IRF8: variants seen among roughly 807,000 people sequenced by gnomAD.
The protein encoded by IRF8 is interferon consensus sequence binding protein 1.
In IRF8, 14 loss-of-function variants were observed where a neutral mutation model predicts 48.7. The ratio of observed to expected loss-of-function variants is 0.29; its 90% confidence interval spans 0.19 to 0.45. IRF8 has a LOEUF of 0.45. Ranked by LOEUF, IRF8 falls within the 20% of genes least tolerant of loss-of-function variation. The pLI, the probability that IRF8 is intolerant of heterozygous loss-of-function variation, is 1.00. For synonymous variants in IRF8, 278 were observed against 227.3 expected (o/e 1.22, Z -2.01); for missense variants, 493 against 580.7 (o/e 0.85, Z 1.55).
In IRF8 at chr16:85,914,530, G is replaced by A. The variant is rs373055633; in HGVS notation, c.601+10G>A. ...GACGCGCACCATTCAGGTACGGGGT[G>A]GTCCGGGCTGAGAGGGGCGTGGGCA... On this transcript the variant is annotated intron_variant, in intron 6 of 8. Transcript: ENST00000268638. 6 of 1,613,918 alleles carry A rather than the reference G, an allele frequency of 3.7e-6. No homozygotes were observed. Among genetic ancestry groups the A allele is most frequent in the East Asian group, 2.2e-5 (1 of 44,886 alleles).
intron 1 of IRF8, 31 bp from the exon 2 acceptor site, chr16:85,902,984 A>T: frequency 3.7e-6 from 6 of 1,612,890 alleles, no homozygotes; most frequent in Non-Finnish European, 4.2e-6. Flanking sequence ...AATATCCGTA[A>T]TATCACAGCG....
intron 3 of IRF8, among the ~76,000 whole-genome samples, chr16:85,910,216 G>A (rs1454497687): frequency 6.6e-6 from 1 of 152,232 alleles, no homozygotes; most frequent in Admixed American, 6.5e-5. Flanking sequence ...GCTGGTGAAT[G>A]TGGCCCATGA....
intron 6 of IRF8, 86 bp downstream of exon 6, chr16:85,914,606 G>C: frequency 6.9e-7 from 1 of 1,459,288 alleles, no homozygotes. Context: ...GGGGTTTCGA[G>C]GATGAGCAGG....
At chr16:85,903,468 G>A (rs1597249246) in intron 2 of IRF8, 1 of 440,182 alleles carries the variant, frequency 2.3e-6, no homozygotes, top group East Asian at 4.8e-5. Flanking sequence ...TTCCTGATGA[G>A]CCAAGTGGGA....
intron 4 of IRF8, 121 bp from the exon 5 acceptor site, chr16:85,913,010 T>G: frequency 2.0e-5 from 16 of 819,922 alleles, no homozygotes; most frequent in Non-Finnish European, 3.2e-5. Flanking sequence ...TTTTGTCTCC[T>G]GAGATAAAGG....
In IRF8 at chr16:85,911,697, G is replaced by A. The variant is rs770256259; in HGVS notation, c.447+39G>A. The A allele has an allele frequency of 3.2e-6, 5 of 1,559,906 alleles. No homozygotes were observed. In the South Asian group the frequency reaches 5.6e-5, roughly 17 times the overall value. ...GCATTTCAGGGGTCTGGCCCTGCCAGGAGGAGTCTCATGTCTTCTGGCAGG... is the reference window on the plus strand; with the variant it reads ...GCATTTCAGGGGTCTGGCCCTGCCAAGAGGAGTCTCATGTCTTCTGGCAGG... On this transcript the variant is annotated intron_variant, in intron 4 of 8. Transcript: ENST00000268638.
rs550580372 is a variant in IRF8, at chr16:85,921,963, T to G, written c.*681T>G. On this transcript the variant is annotated 3_prime_UTR_variant, in exon 9 of 9. Coordinates refer to ENST00000268638, the MANE Select transcript of IRF8 (RefSeq NM_002163.4). ...TCTGGGGCTTTGTTGCCAGGAAGAT[T>G]AGAACTAAATTTATTTTTTTCATTT... 2.0e-5 allele frequency: 3 copies of G among 152,578 alleles called. No individual in the cohort carries two copies. Among genetic ancestry groups the G allele is most frequent in the African/African-American group, 7.2e-5 (3 of 41,582 alleles). The allele number at this position is 152,578 out of a possible 1,614,324, so 9.5% of individuals were successfully genotyped here.
intron 1 of IRF8, chr16:85,902,776 G>GGGTTGCTGGT (rs1305688250): frequency 5.6e-6 from 2 of 354,176 alleles, no homozygotes; most frequent in African/African-American, 1.3e-4. Flanking sequence ...GGCCTGCAGG[G>GGGTTGCTGGT]GGCTGCTGGT....
At chr16:85,920,749 CT>C (rs1905529853) in intron 8 of IRF8, among the ~76,000 whole-genome samples, 2 of 152,076 alleles carry the variant, frequency 1.3e-5, no homozygotes, top group South Asian at 4.1e-4. Context: ...TGTGTGTTTT[CT>C]TTTTTCTTTT....
rs369859766 is a variant in IRF8 at position 85,914,526 on chromosome 16, G to C, written c.601+6G>C. 51 of 1,613,912 alleles carry C rather than the reference G, an allele frequency of 3.2e-5. No individual in the cohort carries two copies. Among genetic ancestry groups the C allele is most frequent in the Non-Finnish European group, 4.3e-5 (51 of 1,180,006 alleles). On this transcript the variant is annotated splice_donor_region_variant and intron_variant, in intron 6 of 8. Coordinates refer to ENST00000268638, the MANE Select transcript of IRF8 (RefSeq NM_002163.4). ...CTACGACGCGCACCATTCAGGTACGGGGTGGTCCGGGCTGAGAGGGGCGTG... is the reference window on the plus strand; with the variant it reads ...CTACGACGCGCACCATTCAGGTACGCGGTGGTCCGGGCTGAGAGGGGCGTG...
chr16:85,902,381 C>A (rs1052744625), intron 1 of IRF8, among the ~76,000 whole-genome samples: 31 of 152,158 alleles, frequency 2.0e-4, no homozygotes, highest in Non-Finnish European at 5.9e-5. Flanking sequence ...GTAGCTGATG[C>A]CCTGAGTTTA....
chr16:85,916,527 G>A (rs569817863), intron 6 of IRF8, among the ~76,000 whole-genome samples: 26 of 152,308 alleles, frequency 1.7e-4, no homozygotes, highest in Non-Finnish European at 3.7e-4. Context: ...CTGACAGCTG[G>A]AACCTTCTCT....
Position 85,921,418 on chromosome 16 carries a change from G to A in IRF8, c.*136G>A, listed in dbSNP as rs1905564724. 1.1e-6 allele frequency: 1 copy of A among 940,134 alleles called. No individual in the cohort carries two copies. The highest frequency in any genetic ancestry group is 1.7e-6 in the Non-Finnish European group (1 of 591,576). 58.2% of individuals were successfully genotyped at this position (940,134 alleles called of 1,614,324 possible). A position where few individuals can be genotyped will look rare whatever the true frequency, so the allele number is the denominator to read the frequency against. On this transcript the variant is annotated 3_prime_UTR_variant, in exon 9 of 9. Coordinates refer to ENST00000268638, the MANE Select transcript of IRF8 (RefSeq NM_002163.4). ...TTACTTTGCACTTAATTTAATAAGG[G>A]CATTCTCGGAGGAGTAGACGTTTAA...
chr16:85,918,285 C>T, intron 6 of IRF8, 132 bp from the exon 7 acceptor site: 1 of 1,023,422 alleles, frequency 9.8e-7, no homozygotes, highest in Non-Finnish European at 1.4e-6. Context: ...ACATGGATTT[C>T]CCCAGAATAT....
Position 85,921,102 on chromosome 16 carries a change from C to G in IRF8, c.1105-4C>G, listed in dbSNP as rs747753866. On this transcript the variant is annotated splice_polypyrimidine_tract_variant and splice_region_variant and intron_variant, in intron 8 of 8. Coordinates refer to ENST00000268638, the MANE Select transcript of IRF8 (RefSeq NM_002163.4). ...GCCTCTGACTTTCTGCACCTCCCAT[C>G]TAGATTGAGCAGCTGTATGTCCGGC... 1 of 1,611,346 alleles carries G rather than the reference C, an allele frequency of 6.2e-7. No homozygotes were observed. The highest frequency in any genetic ancestry group is 8.5e-7 in the Non-Finnish European group (1 of 1,178,760).
chr16:85,900,213 T>G (rs1904787181), intron 1 of IRF8, among the ~76,000 whole-genome samples: 1 of 151,716 alleles, frequency 6.6e-6, no homozygotes, highest in African/African-American at 2.4e-5. Context: ...GAGGGTGGGG[T>G]CTGCTGCTGC....
intron 6 of IRF8, among the ~76,000 whole-genome samples, chr16:85,916,172 C>A (rs1199457555): frequency 6.6e-6 from 1 of 152,226 alleles, no homozygotes; most frequent in Non-Finnish European, 1.5e-5. Context: ...AATACAAGCT[C>A]CGATAATCCT....
Position 85,920,239 on chromosome 16 carries a change from CTTTTTTTTTT to C in IRF8, c.1104+31_1104+40del, listed in dbSNP as rs10604224. 1.6e-5 allele frequency: 8 copies of C among 488,502 alleles called. No homozygotes were observed. The highest frequency in any genetic ancestry group is 7.2e-5 in the African/African-American group (2 of 27,736). The allele number at this position is 488,502 out of a possible 1,614,324, so 30.3% of individuals were successfully genotyped here. On this transcript the variant is annotated intron_variant, in intron 8 of 8. Coordinates refer to ENST00000268638, the MANE Select transcript of IRF8 (RefSeq NM_002163.4). The stretch of plus-strand genomic sequence containing the variant: ...TTCTCGTGCAGGTAAGTATGGGCAG[CTTTTTTTTTT>C]TTTTTTTTTTTTTTTGAGATGGAGT...
chr16:85,922,511 T>C lies in IRF8; in HGVS notation c.*1229T>C, dbSNP rs1431679261. ...ATTCAAATGAATGTCAAAGCACATATCTTTAATATGCTGAATGAATATTTA... is the reference window on the plus strand; with the variant it reads ...ATTCAAATGAATGTCAAAGCACATACCTTTAATATGCTGAATGAATATTTA... On this transcript the variant is annotated 3_prime_UTR_variant, in exon 9 of 9. Coordinates refer to ENST00000268638, the MANE Select transcript of IRF8 (RefSeq NM_002163.4). 2 of 152,394 alleles carry C rather than the reference T, an allele frequency of 1.3e-5. No homozygotes were observed. The highest frequency in any genetic ancestry group is 3.7e-4 in the East Asian group (2 of 5,344). The allele number at this position is 152,394 out of a possible 1,614,324, so 9.4% of individuals were successfully genotyped here.
Sources: gnomAD v4.1 joint callset for allele counts (sites outside exome capture counted in the v4.1 genomes callset) on GRCh38, gnomAD v4.1.1 for gene constraint, MANE v1.5 for transcripts, NCBI Gene and HGNC (gene_info 2026-07-23, HGNC 2026-07-21) for gene names.